Variants in ST8SIA6 observed in about 807,000 individuals in gnomAD.
ST8SIA6 encodes alpha-2,8-sialyltransferase 8F.
ST8SIA6 carries 39 observed loss-of-function variants against 33.6 expected under a neutral mutation model. That is an observed-to-expected ratio of 1.16 (90% CI 0.90 to 1.52). ST8SIA6 has a LOEUF of 1.52. ST8SIA6 is among the 40% of genes most tolerant of loss of function. ST8SIA6 has a pLI of 0.00. For missense variants in ST8SIA6, 441 were observed against 443.8 expected (o/e 0.99, Z 0.06); for synonymous variants, 172 against 167.2 (o/e 1.03, Z -0.22).
intron 3 of ST8SIA6, among the ~76,000 whole-genome samples, chr10:17,360,938 G>GGAAGAA (rs138842680): frequency 2.0e-5 from 3 of 148,558 alleles, no homozygotes; most frequent in South Asian, 2.1e-4. Flanking sequence ...AAGAGGAAAA[G>GGAAGAA]GAAGAAGAAG....
At chr10:17,327,270 C>G (rs1848162624) in intron 5 of ST8SIA6, 144 bp from the exon 6 acceptor site, 5 of 581,770 alleles carry the variant, frequency 8.6e-6, no homozygotes, top group Non-Finnish European at 1.4e-5. Context: ...GTTTGCTAAT[C>G]AACTTACTAT....
intron 4 of ST8SIA6, among the ~76,000 whole-genome samples, chr10:17,351,742 T>C (rs1281546462): frequency 6.6e-6 from 1 of 152,040 alleles, no homozygotes; most frequent in Non-Finnish European, 1.5e-5. Flanking sequence ...AATTCTGTCA[T>C]TTGCAGACAA....
chr10:17,346,885 C>T (rs561291884), intron 4 of ST8SIA6, among the ~76,000 whole-genome samples: 3 of 152,098 alleles, frequency 2.0e-5, no homozygotes, highest in Non-Finnish European at 4.4e-5. Context: ...ATCTATCTAT[C>T]GATCTATCGA....
At position 17,368,549 on chromosome 10, in the gene ST8SIA6, CA is replaced by C. The variant is rs769970076; in HGVS notation, c.291-8950del. Among the ~76,000 whole-genome samples the C allele has an allele frequency of 6.9e-4, 98 of 141,850 alleles. No individual in the cohort carries two copies. The East Asian group carries it at 0.013, about 19-fold the overall frequency. The allele number at this position is 141,850 out of a possible 152,430, so 93.1% of individuals were successfully genotyped here. A position where few individuals can be genotyped will look rare whatever the true frequency, so the allele number is the denominator to read the frequency against. The stretch of plus-strand genomic sequence containing the variant: ...TTCAATGTACTAAGTAATACAAAAA[CA>C]AAAAAAAAGGAAAGAAGGACAATAG... On this transcript the variant is annotated intron_variant, in intron 3 of 7. Coordinates refer to ENST00000377602, the MANE Select transcript of ST8SIA6 (RefSeq NM_001004470.3).
intron 2 of ST8SIA6, among the ~76,000 whole-genome samples, chr10:17,412,135 G>A (rs773178415): frequency 3.3e-5 from 5 of 151,904 alleles, no homozygotes; most frequent in Admixed American, 6.6e-5. Flanking sequence ...TTTCACCTTT[G>A]GGGATCCCTC....
chr10:17,318,789 A>G lies in ST8SIA6; in HGVS notation c.*2089T>C. ...TACAGAACAAAAAGAACTGTGACTTACGTTTTACAGTTTACATAGCTGACA... is the reference window on the plus strand; with the variant it reads ...TACAGAACAAAAAGAACTGTGACTTGCGTTTTACAGTTTACATAGCTGACA... On this transcript the variant is annotated 3_prime_UTR_variant, in exon 8 of 8. Coordinates refer to ENST00000377602, the MANE Select transcript of ST8SIA6 (RefSeq NM_001004470.3). The G allele has an allele frequency of 2.2e-6, 1 of 463,988 alleles. No homozygotes were observed. Among genetic ancestry groups the G allele is most frequent in the Non-Finnish European group, 4.4e-6 (1 of 225,538 alleles). The allele number at this position is 463,988 out of a possible 1,614,324, so 28.7% of individuals were successfully genotyped here. A position where few individuals can be genotyped will look rare whatever the true frequency, so the allele number is the denominator to read the frequency against.
chr10:17,448,919 C>T (rs1045930884), intron 2 of ST8SIA6, among the ~76,000 whole-genome samples: 12 of 150,576 alleles, frequency 8.0e-5, no homozygotes, highest in South Asian at 2.1e-4. Flanking sequence ...TGCGCCCGGC[C>T]GGCAGGGTTT....
intron 4 of ST8SIA6, among the ~76,000 whole-genome samples, chr10:17,339,706 C>G (rs960847034): frequency 1.3e-5 from 2 of 148,190 alleles, no homozygotes; most frequent in East Asian, 1.9e-4. Context: ...TGCATTCTCA[C>G]TGCATGCTAA....
chr10:17,441,663 T>A lies in ST8SIA6; in HGVS notation c.200+11896A>T, dbSNP rs181051801. ...AGAGATCCCATTGTGCCAGCACCATTTGTTGAAAACTATCCTCGCTCCACC... is the reference window on the plus strand; with the variant it reads ...AGAGATCCCATTGTGCCAGCACCATATGTTGAAAACTATCCTCGCTCCACC... On this transcript the variant is annotated intron_variant, in intron 2 of 7. Transcript: ENST00000377602. Among the ~76,000 whole-genome samples, 49 of 152,158 alleles carry A rather than the reference T, an allele frequency of 3.2e-4. 1 individual carries two copies. The East Asian group carries it at 9.5e-3, about 29-fold the overall frequency.
At chr10:17,384,845 T>A (rs1348913530) in intron 3 of ST8SIA6, among the ~76,000 whole-genome samples, 1 of 152,196 alleles carries the variant, frequency 6.6e-6, no homozygotes, top group Non-Finnish European at 1.5e-5. Flanking sequence ...GATTGTTCTT[T>A]TGTTTGTAGC....
At chr10:17,417,111 C>T (rs1437413593) in intron 2 of ST8SIA6, among the ~76,000 whole-genome samples, 3 of 152,032 alleles carry the variant, frequency 2.0e-5, no homozygotes, top group Non-Finnish European at 2.9e-5. Flanking sequence ...ATAATCATGG[C>T]GGGATGTAAA....
rs527803024 is a variant in ST8SIA6 at position 17,348,708 on chromosome 10, T to G, written c.377+10806A>C. Among the ~76,000 whole-genome samples the G allele has an allele frequency of 4.1e-4, 62 of 152,324 alleles. No individual in the cohort carries two copies. The Middle Eastern group carries it at 0.01, about 25-fold the overall frequency. On this transcript the variant is annotated intron_variant, in intron 4 of 7. Transcript: ENST00000377602. ...CTGTGGAATTCATCATCTTCCGCTT[T>G]TTGGCTTCAGTCCCACACTCAGCTT...
At chr10:17,324,706 T>TAC (rs1233233847) in intron 6 of ST8SIA6, among the ~76,000 whole-genome samples, 12 of 71,610 alleles carry the variant, frequency 1.7e-4, no homozygotes, top group African/African-American at 1.8e-4. Flanking sequence ...GAATATAGAG[T>TAC]ATACACACAC....
intron 4 of ST8SIA6, among the ~76,000 whole-genome samples, chr10:17,336,968 G>T (rs1848518781): frequency 6.6e-6 from 1 of 152,120 alleles, no homozygotes; most frequent in African/African-American, 2.4e-5. Flanking sequence ...GCTACCATAT[G>T]ACATGGTTTG....
intron 2 of ST8SIA6, among the ~76,000 whole-genome samples, chr10:17,433,596 G>A (rs1337574446): frequency 6.6e-6 from 1 of 152,192 alleles, no homozygotes; most frequent in African/African-American, 2.4e-5. Flanking sequence ...TGGAGTCCCT[G>A]GAAGGAGGGC....
At position 17,389,962 on chromosome 10, in the gene ST8SIA6, C is replaced by G. The variant is rs574953427; in HGVS notation, c.290+569G>C. On this transcript the variant is annotated intron_variant, in intron 3 of 7. Transcript: ENST00000377602. ...TCAACCTCCTGAGTAGCTGAAACTA[C>G]AGACCTGAGCCACCACATTCAGCTA... is the stretch of plus-strand genomic sequence containing the variant. Among the ~76,000 whole-genome samples the G allele has an allele frequency of 2.0e-5, 3 of 152,190 alleles. No homozygotes were observed. The East Asian group carries it at 5.8e-4, about 29-fold the overall frequency.
At position 17,325,024 on chromosome 10, in the gene ST8SIA6, AT is replaced by A. The variant is rs1457226706; in HGVS notation, c.636-1868del. On this transcript the variant is annotated intron_variant, in intron 6 of 7. Coordinates refer to ENST00000377602, the MANE Select transcript of ST8SIA6 (RefSeq NM_001004470.3). ...TAAATATATAACACATAATACTGTT[AT>A]ATAATTGTATTTATTATATGTATAT... Among the ~76,000 whole-genome samples the A allele has an allele frequency of 2.8e-5, 4 of 143,348 alleles. No homozygotes were observed. The East Asian group carries it at 8.0e-4, about 29-fold the overall frequency. 94.0% of individuals were successfully genotyped at this position (143,348 alleles called of 152,430 possible). A position where few individuals can be genotyped will look rare whatever the true frequency, so the allele number is the denominator to read the frequency against.
intron 2 of ST8SIA6, among the ~76,000 whole-genome samples, chr10:17,437,846 T>G (rs1343319294): frequency 6.6e-6 from 1 of 152,084 alleles, no homozygotes; most frequent in Non-Finnish European, 1.5e-5. Flanking sequence ...TTCTTCTGCC[T>G]CAGCCTCCTG....
intron 4 of ST8SIA6, among the ~76,000 whole-genome samples, chr10:17,351,022 G>A (rs569989192): frequency 8.5e-5 from 13 of 152,210 alleles, no homozygotes; most frequent in African/African-American, 3.1e-4. Flanking sequence ...AATATTACGA[G>A]ACCTCAATAA....
Sources: gnomAD v4.1 joint callset for allele counts (sites outside exome capture counted in the v4.1 genomes callset) on GRCh38, gnomAD v4.1.1 for gene constraint, MANE v1.5 for transcripts, NCBI Gene and HGNC (gene_info 2026-07-23, HGNC 2026-07-21) for gene names.